BMPR1B: variants seen among roughly 807,000 people sequenced by gnomAD.
BMPR1B encodes bone morphogenetic protein receptor type 1B.
Under a neutral mutation model 59.1 loss-of-function variants are expected in BMPR1B, and 12 were observed. That is an observed-to-expected ratio of 0.20 (90% CI 0.13 to 0.33). BMPR1B has a LOEUF of 0.33. Among genes scored for constraint, BMPR1B ranks in the 10% least tolerant of loss-of-function variants. BMPR1B has a pLI of 1.00. For synonymous variants in BMPR1B, 237 were observed against 207.3 expected (o/e 1.14, Z -1.23); for missense variants, 550 against 610.9 (o/e 0.90, Z 1.05).
intron 4 of BMPR1B, among the ~76,000 whole-genome samples, chr4:95,106,275 G>T (rs1177945382): frequency 6.6e-6 from 1 of 151,938 alleles, no homozygotes; most frequent in Non-Finnish European, 1.5e-5. Flanking sequence ...AGGGAGTTTT[G>T]CAGCAGGAGT....
At chr4:94,770,190 T>G (rs766985485) in intron 1 of BMPR1B, among the ~76,000 whole-genome samples, 4 of 44,728 alleles carry the variant, frequency 8.9e-5, no homozygotes, top group East Asian at 5.7e-3. Flanking sequence ...GTGTTTGTTT[T>G]TTTTTTTTTT....
intron 1 of BMPR1B, among the ~76,000 whole-genome samples, chr4:94,865,692 C>G (rs1385856784): frequency 6.6e-6 from 1 of 152,162 alleles, no homozygotes; most frequent in Non-Finnish European, 1.5e-5. Flanking sequence ...CTCCCAGCTG[C>G]TGTTTTCTAC....
intron 3 of BMPR1B, among the ~76,000 whole-genome samples, chr4:95,099,481 A>T (rs1730665129): frequency 6.6e-6 from 1 of 152,224 alleles, no homozygotes; most frequent in African/African-American, 2.4e-5. Flanking sequence ...ATAATATAAA[A>T]TTCAGTATTC....
intron 1 of BMPR1B, among the ~76,000 whole-genome samples, chr4:94,813,769 G>A (rs954274475): frequency 4.6e-5 from 7 of 152,146 alleles, no homozygotes; most frequent in Non-Finnish European, 8.8e-5. Flanking sequence ...AGACTGGGGT[G>A]ATAGTGGTGG....
intron 1 of BMPR1B, among the ~76,000 whole-genome samples, chr4:94,840,598 T>G (rs1369681457): frequency 2.7e-5 from 4 of 145,892 alleles, no homozygotes; most frequent in African/African-American, 1.0e-4. Context: ...TCTCGAGCCT[T>G]GGTTTTCAGC....
intron 2 of BMPR1B, among the ~76,000 whole-genome samples, chr4:94,925,821 A>G (rs1728862737): frequency 6.6e-6 from 1 of 152,168 alleles, no homozygotes; most frequent in Non-Finnish European, 1.5e-5. Context: ...GTGGGGTGTT[A>G]GTGGAAAATA....
chr4:94,930,737 T>C (rs1343271615), intron 2 of BMPR1B, among the ~76,000 whole-genome samples: 1 of 152,104 alleles, frequency 6.6e-6, no homozygotes, highest in Non-Finnish European at 1.5e-5. Context: ...CTATTAAAAC[T>C]CTTGTTTTCA....
At chr4:94,769,111 CTAAATTCCTTTTT>C in intron 1 of BMPR1B, among the ~76,000 whole-genome samples, 1 of 152,278 alleles carries the variant, frequency 6.6e-6, no homozygotes, top group South Asian at 2.1e-4. Context: ...AATTCCTTTT[CTAAATTCCTTTTT>C]TGGCTCATCT....
chr4:95,114,753 G>A lies in BMPR1B; in HGVS notation c.177G>A (p.Glu59=), dbSNP rs1471165148. 1 of 1,613,802 alleles carries A rather than the reference G, an allele frequency of 6.2e-7. No homozygotes were observed. The highest frequency in any genetic ancestry group is 1.7e-5 in the Admixed American group (1 of 59,974). Residue 59 remains glutamate (E), a synonymous_variant, in exon 5 of 13, where the codon GAG becomes GAA. Coordinates refer to ENST00000515059, the MANE Select transcript of BMPR1B (RefSeq NM_001203.3). ...GATATTGTTTCACGATGATAGAAGA[G>A]GATGACTCTGGGTTGCCTGTGGTCA... ...TDGYCFTMIE[E]DDSGLPVVTS... is the part of the protein sequence containing the mutation.
chr4:94,787,807 TG>T (rs869108063), intron 1 of BMPR1B, among the ~76,000 whole-genome samples: 1 of 31,346 alleles, frequency 3.2e-5, no homozygotes, highest in Non-Finnish European at 7.4e-5. Flanking sequence ...AATATCAATG[TG>T]GTAACCCACA....
intron 1 of BMPR1B, among the ~76,000 whole-genome samples, chr4:94,797,976 C>T (rs1234055908): frequency 6.6e-6 from 1 of 152,146 alleles, no homozygotes; most frequent in Non-Finnish European, 1.5e-5. Flanking sequence ...TAGCTTACGG[C>T]ATATAATGCA....
At chr4:94,776,097 GA>G (rs200886486) in intron 1 of BMPR1B, among the ~76,000 whole-genome samples, 14,098 of 138,980 alleles carry the variant, frequency 0.1, 760 homozygotes, top group South Asian at 0.18. Flanking sequence ...CTCAAAAAAA[GA>G]AAAAAAAAAA....
At chr4:95,089,835 G>GA (rs928521120) in intron 3 of BMPR1B, among the ~76,000 whole-genome samples, 62 of 151,972 alleles carry the variant, frequency 4.1e-4, no homozygotes, top group African/African-American at 1.5e-3. Flanking sequence ...ATAATTTCAA[G>GA]AAAAAAGATT....
chr4:94,775,955 ATGG>A, intron 1 of BMPR1B, among the ~76,000 whole-genome samples: 1 of 152,038 alleles, frequency 6.6e-6, no homozygotes, highest in Non-Finnish European at 1.5e-5. Context: ...GCCGGGTGTG[ATGG>A]TGGTCGCCTG....
intron 2 of BMPR1B, among the ~76,000 whole-genome samples, chr4:94,912,499 G>C (rs955991389): frequency 2.0e-5 from 3 of 152,106 alleles, no homozygotes; most frequent in Admixed American, 6.5e-5. Context: ...AGAGAATGGA[G>C]GAGGTCCATC....
At chr4:94,975,925 G>A (rs1041185452) in intron 2 of BMPR1B, among the ~76,000 whole-genome samples, 4 of 152,114 alleles carry the variant, frequency 2.6e-5, no homozygotes, top group African/African-American at 7.2e-5. Context: ...TGTATAACAG[G>A]TCATTGAAAT....
chr4:95,071,652 G>GTGTATATATATATATA (rs59539011), intron 3 of BMPR1B, among the ~76,000 whole-genome samples: 3 of 84,342 alleles, frequency 3.6e-5, no homozygotes, highest in Non-Finnish European at 4.9e-5. Context: ...GTGTGTGTGT[G>GTGTATATATATATATA]TATATATATA....
chr4:95,073,243 G>A (rs912089690), intron 3 of BMPR1B, among the ~76,000 whole-genome samples: 5 of 152,110 alleles, frequency 3.3e-5, no homozygotes, highest in African/African-American at 1.2e-4. Flanking sequence ...AAGCCATTTG[G>A]GAACACGGAA....
chr4:94,910,245 C>G (rs1279669017), intron 2 of BMPR1B, among the ~76,000 whole-genome samples: 3 of 152,066 alleles, frequency 2.0e-5, no homozygotes, highest in African/African-American at 7.2e-5. Context: ...CCAACATATT[C>G]TCATCTTTCT....
Sources: gnomAD v4.1 joint callset for allele counts (sites outside exome capture counted in the v4.1 genomes callset) on GRCh38, gnomAD v4.1.1 for gene constraint, MANE v1.5 for transcripts, NCBI Gene and HGNC (gene_info 2026-07-23, HGNC 2026-07-21) for gene names.